Variants in CPA6 observed in about 807,000 individuals in gnomAD.
CPA6 encodes carboxypeptidase B.
In CPA6, 58 loss-of-function variants were observed where a neutral mutation model predicts 63.3. The observed-to-expected ratio is 0.92, with a 90% CI of 0.74 to 1.14. The LOEUF (loss-of-function observed/expected upper bound fraction) is 1.14, where lower values mean the gene tolerates loss of function less well. CPA6 is among the 50% of genes most tolerant of loss of function. The pLI, the probability that CPA6 is intolerant of heterozygous loss-of-function variation, is 0.00. For synonymous variants in CPA6, 185 were observed against 179.0 expected (o/e 1.03, Z -0.27); for missense variants, 565 against 526.6 (o/e 1.07, Z -0.71).
intron 3 of CPA6, among the ~76,000 whole-genome samples, chr8:67,513,407 C>A (rs1812081485): frequency 6.6e-6 from 1 of 152,090 alleles, no homozygotes; most frequent in Admixed American, 6.6e-5. Flanking sequence ...TCAACGTATT[C>A]CAATACTGCA....
intron 1 of CPA6, among the ~76,000 whole-genome samples, chr8:67,645,677 T>C (rs1168942517): frequency 6.6e-6 from 1 of 152,254 alleles, no homozygotes; most frequent in Non-Finnish European, 1.5e-5. Context: ...AGAAAAATTA[T>C]TTTTTAAAGC....
intron 2 of CPA6, among the ~76,000 whole-genome samples, chr8:67,548,837 T>C (rs991546767): frequency 6.6e-6 from 1 of 152,274 alleles, no homozygotes; most frequent in African/African-American, 2.4e-5. Context: ...AAACACCAGC[T>C]CAGGTGAGGT....
intron 1 of CPA6, among the ~76,000 whole-genome samples, chr8:67,730,282 A>G (rs767264753): frequency 2.0e-5 from 3 of 152,196 alleles, no homozygotes; most frequent in Non-Finnish European, 4.4e-5. Flanking sequence ...TTAGGAAAAC[A>G]CTTATGTTTA....
intron 2 of CPA6, among the ~76,000 whole-genome samples, chr8:67,587,091 G>A (rs1406266701): frequency 6.6e-6 from 1 of 152,222 alleles, no homozygotes; most frequent in Non-Finnish European, 1.5e-5. Flanking sequence ...TCGCTAGAGC[G>A]AAATGTGAAG....
chr8:67,427,613 T>C (rs11989425), intron 10 of CPA6, among the ~76,000 whole-genome samples: 6,374 of 152,258 alleles, frequency 0.042, 452 homozygotes, highest in African/African-American at 0.14. Flanking sequence ...GATAATTCAA[T>C]GGACGGTGCT....
intron 2 of CPA6, chr8:67,569,615 A>G: frequency 2.3e-6 from 1 of 441,504 alleles, no homozygotes; most frequent in South Asian, 1.7e-5. Flanking sequence ...CCAGTCAATA[A>G]TGCAAAACAG....
At chr8:67,432,498 C>T (rs990973526) in intron 9 of CPA6, among the ~76,000 whole-genome samples, 1 of 152,116 alleles carries the variant, frequency 6.6e-6, no homozygotes, top group Non-Finnish European at 1.5e-5. Flanking sequence ...CTCACTCTGT[C>T]TCCCTGGCTG....
At chr8:67,695,907 C>T (rs2128997957) in intron 1 of CPA6, among the ~76,000 whole-genome samples, 1 of 152,244 alleles carries the variant, frequency 6.6e-6, no homozygotes, top group South Asian at 2.1e-4. Context: ...TTCCTCTTCC[C>T]CTTGCTTTAT....
intron 2 of CPA6, among the ~76,000 whole-genome samples, chr8:67,553,754 G>C (rs139901978): frequency 7.1e-4 from 108 of 152,212 alleles, no homozygotes; most frequent in African/African-American, 2.5e-3. Flanking sequence ...AGTATCAAAT[G>C]AGAACTACTA....
chr8:67,492,718 C>T (rs894331325), intron 6 of CPA6, among the ~76,000 whole-genome samples: 1 of 152,050 alleles, frequency 6.6e-6, no homozygotes, highest in Admixed American at 6.6e-5. Flanking sequence ...TAGTCTGGTG[C>T]TACTGGTGGA....
At chr8:67,525,924 A>G (rs1587522786) in intron 2 of CPA6, among the ~76,000 whole-genome samples, 1 of 152,228 alleles carries the variant, frequency 6.6e-6, no homozygotes, top group African/African-American at 2.4e-5. Context: ...GGTACAATGC[A>G]TATTATTTGG....
intron 1 of CPA6, among the ~76,000 whole-genome samples, chr8:67,739,344 T>C (rs1817871245): frequency 6.6e-6 from 1 of 152,216 alleles, no homozygotes; most frequent in Non-Finnish European, 1.5e-5. Flanking sequence ...GGCTGTACTT[T>C]GAGCTAGTGC....
chr8:67,638,021 GTGTT>G (rs1179036560), intron 1 of CPA6, among the ~76,000 whole-genome samples: 1 of 150,446 alleles, frequency 6.6e-6, no homozygotes. Context: ...GCATGCATGT[GTGTT>G]TGTGTATGTG....
At chr8:67,457,848 A>G (rs1005001050) in intron 8 of CPA6, among the ~76,000 whole-genome samples, 2 of 151,948 alleles carry the variant, frequency 1.3e-5, no homozygotes, top group Admixed American at 6.6e-5. Context: ...TCACTTGCCA[A>G]TTCCTGCTCT....
intron 1 of CPA6, among the ~76,000 whole-genome samples, chr8:67,694,063 T>G (rs1299264859): frequency 1.3e-5 from 2 of 152,212 alleles, no homozygotes; most frequent in Non-Finnish European, 2.9e-5. Context: ...TAGCAACATA[T>G]TCTTCATTTG....
chr8:67,607,628 A>G (rs1314088252), intron 2 of CPA6, among the ~76,000 whole-genome samples: 1 of 152,140 alleles, frequency 6.6e-6, no homozygotes, highest in Non-Finnish European at 1.5e-5. Flanking sequence ...AGATACACTA[A>G]CATCCCAGGT....
intron 2 of CPA6, among the ~76,000 whole-genome samples, chr8:67,554,863 CCTG>C (rs1392430218): frequency 1.2e-4 from 19 of 152,186 alleles, no homozygotes; most frequent in Non-Finnish European, 2.2e-4. Context: ...ATGGCCCTTG[CCTG>C]CATGGAGGGT....
chr8:67,431,721 T>G (rs1238897943), intron 9 of CPA6, among the ~76,000 whole-genome samples: 3 of 151,818 alleles, frequency 2.0e-5, no homozygotes, highest in Non-Finnish European at 2.9e-5. Context: ...ATATTTGACC[T>G]GCAGAGCAGC....
intron 1 of CPA6, among the ~76,000 whole-genome samples, chr8:67,703,001 T>C (rs942916635): frequency 6.6e-6 from 1 of 152,208 alleles, no homozygotes; most frequent in Non-Finnish European, 1.5e-5. Context: ...CTCTGCCTTA[T>C]GCCCCTTGGA....
Sources: allele counts gnomAD v4.1 joint callset (sites outside exome capture counted in the v4.1 genomes callset), GRCh38; gene constraint gnomAD v4.1.1; transcripts MANE v1.5; gene names NCBI Gene and HGNC (gene_info 2026-07-23, HGNC 2026-07-21).